ADAMTS9: variants seen among roughly 807,000 people sequenced by gnomAD.
The protein encoded by ADAMTS9 is A disintegrin and metalloproteinase with thrombospondin motifs 9.
Under a neutral mutation model 257.1 loss-of-function variants are expected in ADAMTS9, and 107 were observed. The ratio of observed to expected loss-of-function variants is 0.42; its 90% CI spans 0.36 to 0.49. The LOEUF (loss-of-function observed/expected upper bound fraction) is 0.49, where lower values mean the gene tolerates loss of function less well. Ranked by LOEUF, ADAMTS9 falls within the 20% of genes least tolerant of loss-of-function variation. The pLI, the probability that ADAMTS9 is intolerant of heterozygous loss-of-function variation, is 0.03. For synonymous variants in ADAMTS9, 982 were observed against 880.9 expected, an observed-to-expected ratio of 1.11 and a Z score of -2.03; for missense variants, 2,353 against 2,469.1, an observed-to-expected ratio of 0.95 and a Z score of 1.00.
intron 30 of ADAMTS9, among the ~76,000 whole-genome samples, chr3:64,560,711 C>T (rs1166485804): frequency 1.3e-5 from 2 of 152,178 alleles, no homozygotes; most frequent in Admixed American, 6.5e-5. Context: ...GCCAGGGGTA[C>T]AGTCTAACTG....
intron 29 of ADAMTS9, among the ~76,000 whole-genome samples, chr3:64,564,187 G>C (rs1196649245): frequency 6.6e-6 from 1 of 152,194 alleles, no homozygotes; most frequent in Non-Finnish European, 1.5e-5. Context: ...TATTCGTGCA[G>C]GTTTCAAAGT....
In ADAMTS9 at chr3:64,591,801, T is replaced by C. The variant is rs542964795; in HGVS notation, c.4356+2457A>G. On this transcript the variant is annotated intron_variant, in intron 28 of 39. Transcript: ENST00000498707. ...CTTGACATCATCTAATGCATGGGAG[T>C]ACTGGGAGAGAGAAAGCAACCAGGC... is the stretch of plus-strand genomic sequence containing the variant. Among the ~76,000 whole-genome samples, 10 of 152,196 alleles carry C rather than the reference T, an allele frequency of 6.6e-5. No individual in the cohort carries two copies. The South Asian group carries it at 2.1e-3, about 32-fold the overall frequency.
rs761906399 is a variant in ADAMTS9 at position 64,639,312 on chromosome 3, TA to T, written c.1856+2535del. On this transcript the variant is annotated intron_variant, in intron 12 of 39. Transcript: ENST00000498707. ...TGGATTGTTTTTTTTTTTTTTTTTT[TA>T]AAAAAAAAAAAAAAAAAACCTCCCA... is the stretch of plus-strand genomic sequence containing the variant. Among the ~76,000 whole-genome samples, 299 of 89,246 alleles carry T rather than the reference TA, an allele frequency of 3.4e-3. 2 individuals carry two copies. Among genetic ancestry groups the T allele is most frequent in the African/African-American group, 7.0e-3 (147 of 20,924 alleles). 58.5% of individuals were successfully genotyped at this position (89,246 alleles called of 152,430 possible).
intron 6 of ADAMTS9, among the ~76,000 whole-genome samples, chr3:64,655,234 T>C (rs1228832303): frequency 6.6e-6 from 1 of 152,070 alleles, no homozygotes; most frequent in Non-Finnish European, 1.5e-5. Context: ...AAGGCATGTA[T>C]TTTCAGGTCT....
At chr3:64,590,898 T>G (rs1347980924) in intron 28 of ADAMTS9, among the ~76,000 whole-genome samples, 1 of 152,108 alleles carries the variant, frequency 6.6e-6, no homozygotes. Context: ...GACAGGGCAA[T>G]GCACAAAGGA....
chr3:64,654,676 C>G, intron 6 of ADAMTS9, 64 bp from the exon 7 acceptor site: 1 of 1,574,512 alleles, frequency 6.4e-7, no homozygotes, highest in East Asian at 2.2e-5. Context: ...CAAGTAAATA[C>G]TTTAGGGTCG....
chr3:64,613,560 G>A lies in ADAMTS9; in HGVS notation c.3190-51C>T, dbSNP rs371960506. The A allele has an allele frequency of 9.0e-6, 14 of 1,551,520 alleles. No individual in the cohort carries two copies. The African/African-American group carries it at 1.6e-4, about 18-fold the overall frequency. ...GGGTCATTTCTGATCAATGTGTTGT[G>A]GTTTCTGGGGTTATTTATTGATGAG... On this transcript the variant is annotated intron_variant, in intron 21 of 39. Transcript: ENST00000498707.
chr3:64,604,443 T>A, intron 23 of ADAMTS9, 112 bp from the exon 24 acceptor site: 2 of 756,614 alleles, frequency 2.6e-6, no homozygotes, highest in Admixed American at 3.0e-5. Context: ...GGCTTCAGAT[T>A]TCTGTGTGAA....
chr3:64,581,928 C>T (rs1331663379), intron 28 of ADAMTS9, among the ~76,000 whole-genome samples: 1 of 152,168 alleles, frequency 6.6e-6, no homozygotes, highest in Non-Finnish European at 1.5e-5. Context: ...TTTTCTTTGC[C>T]TTTCCTCTAC....
chr3:64,655,577 T>C lies in ADAMTS9; in HGVS notation c.1168A>G (p.Arg390Gly). 1 of 1,610,632 alleles carries C rather than the reference T, an allele frequency of 6.2e-7. No individual in the cohort carries two copies. Among genetic ancestry groups the C allele is most frequent in the Non-Finnish European group, 8.5e-7 (1 of 1,176,916 alleles). The change falls in exon 6 of 40, where the codon AGA (arginine) becomes GGA (glycine). Residue 390 changes from arginine to glycine, a missense_variant and splice_region_variant. Around this residue, in one of 3 missense-constraint regions of ADAMTS9, gnomAD observed 591 missense variants for 569.6 expected, o/e 1.04. Transcript: ENST00000498707. ...IHHDTAVLLT[R>G]QDICRAHDKC... ...CTGAGGAATAAGAAATCCATATACC[T>C]TGTTAAGAGAACAGCAGTATCATGA...
At chr3:64,524,525 C>T (rs2082886668) in intron 38 of ADAMTS9, among the ~76,000 whole-genome samples, 1 of 152,202 alleles carries the variant, frequency 6.6e-6, no homozygotes, top group African/African-American at 2.4e-5. Flanking sequence ...ATAGAGAACA[C>T]TAATTAAGCG....
At chr3:64,685,301 A>C (rs1392365651) in intron 2 of ADAMTS9, 1 of 152,312 alleles carries the variant, frequency 6.6e-6, no homozygotes, top group Non-Finnish European at 1.5e-5. Flanking sequence ...AAGACCCACG[A>C]ACGACAGCGC....
chr3:64,686,742 G>C lies in ADAMTS9; in HGVS notation c.342C>G (p.Thr114=). ...AFGQQFLFNL[T]ANAGFIAPLF... ...GTGGAGCGATAAATCCGGCATTGGC[G>C]GTGAGATTAAATAGAAACTGCTGGC... The change falls in exon 2 of 40, where the codon ACC becomes ACG. Residue 114 remains threonine, a synonymous_variant. Transcript: ENST00000498707. The surrounding 1 kb of genome is among the most constrained non-coding windows in gnomAD (Gnocchi z 4.6). 1.9e-6 allele frequency: 3 copies of C among 1,614,228 alleles called. No homozygotes were observed. Among genetic ancestry groups the C allele is most frequent in the South Asian group, 2.2e-5 (2 of 91,086 alleles).
intron 3 of ADAMTS9, among the ~76,000 whole-genome samples, chr3:64,667,755 T>C (rs1187777566): frequency 2.6e-5 from 4 of 152,212 alleles, no homozygotes; most frequent in African/African-American, 9.7e-5. Flanking sequence ...CAACGTTTGT[T>C]GAGTTGCTTT....
chr3:64,549,167 A>G (rs1292691598), intron 31 of ADAMTS9, among the ~76,000 whole-genome samples: 4 of 152,128 alleles, frequency 2.6e-5, no homozygotes, highest in Non-Finnish European at 5.9e-5. Flanking sequence ...TGTGCTAAAT[A>G]CTGTTTCCAG....
chr3:64,651,143 T>G lies in ADAMTS9; in HGVS notation c.1337A>C (p.Asp446Ala). The change falls in exon 9 of 40, where the codon GAC becomes GCC. Residue 446 changes from aspartate (D) to alanine (A), a missense_variant. Transcript: ENST00000498707. ...LGHVFNMPHD[D>A]NNKCKEEGVK... ...TCCTTCTTCTTTACATTTGTTGTTG[T>G]CATCATGAGGCATGTTAAACCTAAA... 1 of 1,587,970 alleles carries G rather than the reference T, an allele frequency of 6.3e-7. No homozygotes were observed. The highest frequency in any genetic ancestry group is 2.3e-5 in the East Asian group (1 of 43,176).
At position 64,606,757 on chromosome 3, in the gene ADAMTS9, C is replaced by T. The variant is rs116688149; in HGVS notation, c.3474+203G>A. On this transcript the variant is annotated intron_variant, in intron 23 of 39. Transcript: ENST00000498707. ...GGAATCAAAAGCAAATCTACATATA[C>T]TTCAAATAACCAGAGAAGAACAAAA... Among the ~76,000 whole-genome samples, 468 of 152,298 alleles carry T rather than the reference C, an allele frequency of 3.1e-3. 2 individuals carry two copies. The highest frequency in any genetic ancestry group is 0.019 in the South Asian group (91 of 4,818).
chr3:64,561,799 TGGGGGGGCGG>T, intron 29 of ADAMTS9, 48 bp from the exon 30 acceptor site: 2 of 559,928 alleles, frequency 3.6e-6, no homozygotes, highest in Non-Finnish European at 5.5e-6. Flanking sequence ...ATTTATTTTT[TGGGGGGGCGG>T]GGGGTGTCGA....
chr3:64,564,830 A>G (rs765736932), intron 29 of ADAMTS9, among the ~76,000 whole-genome samples: 2 of 152,156 alleles, frequency 1.3e-5, no homozygotes, highest in African/African-American at 4.8e-5. Flanking sequence ...ACTTCCCAAT[A>G]AACCTTTTAG....
Sources: allele counts gnomAD v4.1 joint callset (sites outside exome capture counted in the v4.1 genomes callset), GRCh38; gene constraint gnomAD v4.1.1; regional missense constraint gnomAD v4.1.1; non-coding constraint Gnocchi (gnomAD v3.1); transcripts MANE v1.5; gene names NCBI Gene and HGNC (gene_info 2026-07-23, HGNC 2026-07-21).